The following ASTN2 variants were observed in gnomAD, a reference collection of about 807,000 sequenced individuals.
ASTN2 encodes astrotactin-2.
In ASTN2, 54 loss-of-function variants were observed where a neutral mutation model predicts 139.8. That is an observed-to-expected ratio of 0.39 (90% CI 0.31 to 0.48). ASTN2 has a LOEUF of 0.48. Ranked by LOEUF, ASTN2 falls within the 20% of genes least tolerant of loss-of-function variation. The pLI, the probability that ASTN2 is intolerant of heterozygous loss-of-function variation, is 0.95. For synonymous variants in ASTN2, 756 were observed against 719.5 expected (o/e 1.05, Z -0.81); for missense variants, 1,565 against 1,725.1 (o/e 0.91, Z 1.64).
intron 11 of ASTN2, among the ~76,000 whole-genome samples, chr9:116,843,621 T>G (rs1286008906): frequency 6.7e-6 from 1 of 150,004 alleles, no homozygotes; most frequent in Non-Finnish European, 1.5e-5. Context: ...ATCGTACCAT[T>G]GCATTCCAGC....
At chr9:116,586,880 G>A (rs981373642) in intron 19 of ASTN2, among the ~76,000 whole-genome samples, 2 of 132,638 alleles carry the variant, frequency 1.5e-5, no homozygotes, top group Non-Finnish European at 3.3e-5. Context: ...ATATAATAAT[G>A]AGATCTTAAT....
chr9:116,627,370 C>T (rs1435924866), intron 17 of ASTN2, among the ~76,000 whole-genome samples: 1 of 152,086 alleles, frequency 6.6e-6, no homozygotes, highest in Non-Finnish European at 1.5e-5. Context: ...ATTTCAGATC[C>T]AGAAGGGTCC....
At chr9:117,364,094 T>C (rs1829767443) in intron 1 of ASTN2, among the ~76,000 whole-genome samples, 1 of 152,224 alleles carries the variant, frequency 6.6e-6, no homozygotes. Context: ...TACTAGCCTT[T>C]AAGCCATGTG....
intron 10 of ASTN2, among the ~76,000 whole-genome samples, chr9:116,887,978 T>G (rs1833661116): frequency 6.6e-6 from 1 of 152,320 alleles, no homozygotes; most frequent in Non-Finnish European, 1.5e-5. Flanking sequence ...CCAATGTGAT[T>G]TACATCTTAA....
At chr9:116,694,733 A>C (rs1029296082) in intron 16 of ASTN2, among the ~76,000 whole-genome samples, 10 of 150,970 alleles carry the variant, frequency 6.6e-5, no homozygotes, top group East Asian at 5.9e-4. Flanking sequence ...AGCCTCCCAA[A>C]GTGCTGGGAT....
intron 20 of ASTN2, among the ~76,000 whole-genome samples, chr9:116,470,178 T>A (rs1344843767): frequency 1.3e-5 from 2 of 152,000 alleles, no homozygotes; most frequent in African/African-American, 4.8e-5. Context: ...CACTCCAGCC[T>A]GGGTGACAGA....
intron 5 of ASTN2, among the ~76,000 whole-genome samples, chr9:117,061,324 C>T (rs1027985582): frequency 1.0e-5 from 1 of 100,098 alleles, no homozygotes; most frequent in African/African-American, 3.8e-5. Flanking sequence ...ATTTTTTTGC[C>T]TTTGACATGG....
intron 1 of ASTN2, among the ~76,000 whole-genome samples, chr9:117,377,798 T>C (rs1158212759): frequency 6.6e-6 from 1 of 152,136 alleles, no homozygotes; most frequent in African/African-American, 2.4e-5. Flanking sequence ...TATTCTAATG[T>C]TGAAAGATTT....
At chr9:116,642,217 C>T (rs1857378614) in intron 17 of ASTN2, among the ~76,000 whole-genome samples, 2 of 151,016 alleles carry the variant, frequency 1.3e-5, no homozygotes, top group Admixed American at 1.3e-4. Flanking sequence ...CCATTCTCAC[C>T]TTAAGTGATT....
At position 116,698,441 on chromosome 9, in the gene ASTN2, G is replaced by C. The variant is rs1057521228; in HGVS notation, c.2806+27330C>G. The C allele has an allele frequency of 6.2e-7, 1 of 1,614,130 alleles. No homozygotes were observed. Among genetic ancestry groups the C allele is most frequent in the Non-Finnish European group, 8.5e-7 (1 of 1,180,040 alleles). ...GTTACCTGCTTAACATTGCAGAGGT[G>C]CAGGCTGTGTCTCGCTGTGACTACT... On this transcript the variant is annotated intron_variant, in intron 16 of 22. Coordinates refer to ENST00000313400, the MANE Select transcript of ASTN2 (RefSeq NM_001365068.1). This position sits in a 1 kb window ranked among gnomAD's most constrained non-coding sequence, Gnocchi z 4.4.
intron 16 of ASTN2, among the ~76,000 whole-genome samples, chr9:116,716,431 T>C (rs1474392912): frequency 6.6e-6 from 1 of 152,214 alleles, no homozygotes; most frequent in African/African-American, 2.4e-5. Flanking sequence ...TGTTTCTACC[T>C]GGTTATTAAA....
At chr9:117,004,685 A>G (rs1470556950) in intron 7 of ASTN2, among the ~76,000 whole-genome samples, 1 of 152,188 alleles carries the variant, frequency 6.6e-6, no homozygotes, top group Non-Finnish European at 1.5e-5. Flanking sequence ...TTGTCATGGT[A>G]TTCACGTAAC....
At chr9:117,013,906 A>G (rs1315334530) in intron 6 of ASTN2, among the ~76,000 whole-genome samples, 3 of 152,162 alleles carry the variant, frequency 2.0e-5, no homozygotes, top group South Asian at 4.1e-4. Context: ...CCATGGATAG[A>G]TTTCAAAAGA....
chr9:116,430,447 T>C (rs1847460217), intron 22 of ASTN2, among the ~76,000 whole-genome samples: 2 of 152,216 alleles, frequency 1.3e-5, no homozygotes, highest in African/African-American at 4.8e-5. Flanking sequence ...AACTCTTAGT[T>C]GTAGCATCCA....
At chr9:117,100,113 G>A (rs1470828989) in intron 4 of ASTN2, among the ~76,000 whole-genome samples, 3 of 152,192 alleles carry the variant, frequency 2.0e-5, no homozygotes, top group African/African-American at 7.2e-5. Context: ...CTGTTTTCTT[G>A]TAGGAACTCT....
At chr9:117,318,755 C>T (rs1034677673) in intron 1 of ASTN2, among the ~76,000 whole-genome samples, 1 of 152,178 alleles carries the variant, frequency 6.6e-6, no homozygotes, top group African/African-American at 2.4e-5. Flanking sequence ...CAAGCAGGTA[C>T]ACGTCTCAGT....
At chr9:116,979,032 C>T (rs1002552771) in intron 7 of ASTN2, among the ~76,000 whole-genome samples, 2 of 152,158 alleles carry the variant, frequency 1.3e-5, no homozygotes, top group African/African-American at 4.8e-5. Context: ...TTATTGTTAT[C>T]TCTGATGAAC....
chr9:116,809,685 A>G (rs1831114988), intron 12 of ASTN2, among the ~76,000 whole-genome samples: 1 of 152,176 alleles, frequency 6.6e-6, no homozygotes, highest in African/African-American at 2.4e-5. Flanking sequence ...GAAGATTTTA[A>G]TATTAATTTT....
intron 20 of ASTN2, among the ~76,000 whole-genome samples, chr9:116,448,228 C>G (rs1335349519): frequency 6.6e-6 from 1 of 151,458 alleles, no homozygotes; most frequent in Non-Finnish European, 1.5e-5. Flanking sequence ...TCCTTCCCCC[C>G]ACACAGCTTT....
Sources: gnomAD v4.1 joint callset for allele counts (sites outside exome capture counted in the v4.1 genomes callset) on GRCh38, gnomAD v4.1.1 for gene constraint, Gnocchi (gnomAD v3.1) non-coding constraint, MANE v1.5 for transcripts, NCBI Gene and HGNC (gene_info 2026-07-23, HGNC 2026-07-21) for gene names.